The following PLCL1 variants were observed in gnomAD, a reference collection of about 807,000 sequenced individuals.
PLCL1 encodes the protein phospholipase C like 1 (inactive), also known as inactive phospholipase C-like protein 1.
Under a neutral mutation model 84.4 loss-of-function variants are expected in PLCL1, and 41 were observed. That is an observed-to-expected ratio of 0.49 (90% confidence interval 0.38 to 0.63). The LOEUF (loss-of-function observed/expected upper bound fraction) is 0.63. Ranked by LOEUF, PLCL1 falls within the 30% of genes least tolerant of loss-of-function variation. The pLI, the probability that PLCL1 is intolerant of heterozygous loss-of-function variation, is 0.00. For missense variants in PLCL1, 1,206 were observed against 1,367.8 expected (o/e 0.88, Z 1.87); for synonymous variants, 490 against 488.3 (o/e 1.00, Z -0.05).
chr2:197,878,142 C>A (rs570387437), intron 1 of PLCL1, among the ~76,000 whole-genome samples: 1 of 152,172 alleles, frequency 6.6e-6, no homozygotes, highest in African/African-American at 2.4e-5. Context: ...GAACTTTATT[C>A]TTTTGTTGAG....
intron 1 of PLCL1, among the ~76,000 whole-genome samples, chr2:197,937,813 C>T (rs1212888934): frequency 6.6e-6 from 1 of 152,108 alleles, no homozygotes; most frequent in Non-Finnish European, 1.5e-5. Context: ...TCCATTAGTG[C>T]CAAAGAGAAG....
intron 1 of PLCL1, among the ~76,000 whole-genome samples, chr2:198,081,808 A>G (rs903138484): frequency 6.6e-6 from 1 of 152,168 alleles, no homozygotes; most frequent in African/African-American, 2.4e-5. Flanking sequence ...TTTCTGAATC[A>G]TAGGATAGGC....
intron 1 of PLCL1, among the ~76,000 whole-genome samples, chr2:198,024,287 A>G (rs542505392): frequency 4.9e-4 from 74 of 152,226 alleles, no homozygotes; most frequent in African/African-American, 1.7e-3. Flanking sequence ...TAGGAGAAAT[A>G]CCTAATGTGG....
chr2:198,103,778 A>G (rs771305435), intron 4 of PLCL1, 49 bp from the exon 5 acceptor site: 1 of 896,544 alleles, frequency 1.1e-6, no homozygotes, highest in Admixed American at 2.5e-5. Context: ...TAAGATGCCC[A>G]TTTTTCTGAG....
intron 1 of PLCL1, among the ~76,000 whole-genome samples, chr2:197,959,845 G>T (rs1303143535): frequency 1.3e-5 from 2 of 152,032 alleles, no homozygotes; most frequent in Non-Finnish European, 2.9e-5. Context: ...CCTCCCAAAT[G>T]CCTACCACTC....
At position 197,933,547 on chromosome 2, in the gene PLCL1, G is replaced by A. The variant is rs116308861; in HGVS notation, c.240+128208G>A. Among the ~76,000 whole-genome samples, 660 of 152,220 alleles carry A rather than the reference G, an allele frequency of 4.3e-3. 5 individuals carry two copies. The highest frequency in any genetic ancestry group is 0.015 in the African/African-American group (615 of 41,518). ...AAATAACAAGATTAATAGATTAATT[G>A]CAAATCTTTAGCTATATTAGTTAAG... On this transcript the variant is annotated intron_variant, in intron 1 of 5. Coordinates refer to ENST00000428675, the MANE Select transcript of PLCL1 (RefSeq NM_006226.4).
At chr2:197,987,601 A>G (rs1025918612) in intron 1 of PLCL1, among the ~76,000 whole-genome samples, 1 of 152,228 alleles carries the variant, frequency 6.6e-6, no homozygotes, top group Non-Finnish European at 1.5e-5. Context: ...TAGTAAGTCA[A>G]TTAGGCAGCA....
At chr2:197,819,021 C>T (rs1032331433) in intron 1 of PLCL1, among the ~76,000 whole-genome samples, 12 of 152,106 alleles carry the variant, frequency 7.9e-5, no homozygotes, top group Non-Finnish European at 1.8e-4. Flanking sequence ...AAGAAGGGCA[C>T]TATAGGGAAT....
intron 5 of PLCL1, among the ~76,000 whole-genome samples, chr2:198,104,619 T>C (rs769705290): frequency 2.0e-5 from 3 of 152,102 alleles, no homozygotes; most frequent in Non-Finnish European, 4.4e-5. Context: ...ATTGTCACAC[T>C]GCTTTCCACA....
At chr2:198,131,556 G>A (rs1193918135) in intron 5 of PLCL1, among the ~76,000 whole-genome samples, 3 of 152,128 alleles carry the variant, frequency 2.0e-5, no homozygotes, top group Non-Finnish European at 4.4e-5. Flanking sequence ...TGGAGAAAAG[G>A]AAACTGCTGC....
chr2:197,890,236 C>A (rs1166624298), intron 1 of PLCL1, among the ~76,000 whole-genome samples: 2 of 152,118 alleles, frequency 1.3e-5, no homozygotes, highest in African/African-American at 4.8e-5. Flanking sequence ...CCACTGGAAG[C>A]CACAGTTCTT....
intron 1 of PLCL1, among the ~76,000 whole-genome samples, chr2:198,053,850 G>T (rs1692000660): frequency 6.6e-6 from 1 of 152,212 alleles, no homozygotes; most frequent in African/African-American, 2.4e-5. Context: ...AAGGGGAACT[G>T]GTTTGGGTGT....
At chr2:197,947,584 G>GA in intron 1 of PLCL1, among the ~76,000 whole-genome samples, 1 of 152,290 alleles carries the variant, frequency 6.6e-6, no homozygotes, top group South Asian at 2.1e-4. Context: ...GGCTGGGAAT[G>GA]TGCAAAGTAG....
chr2:198,005,395 G>A (rs1388907759), intron 1 of PLCL1, among the ~76,000 whole-genome samples: 1 of 152,210 alleles, frequency 6.6e-6, no homozygotes, highest in Non-Finnish European at 1.5e-5. Context: ...TGATGGCAAA[G>A]GAAAGTTCTC....
chr2:197,888,590 T>C (rs1305467707), intron 1 of PLCL1, among the ~76,000 whole-genome samples: 1 of 152,212 alleles, frequency 6.6e-6, no homozygotes, highest in Non-Finnish European at 1.5e-5. Context: ...TACTTCCTCA[T>C]AGAGTCATAA....
chr2:198,133,063 C>T (rs889906298), intron 5 of PLCL1, among the ~76,000 whole-genome samples: 3 of 151,822 alleles, frequency 2.0e-5, no homozygotes, highest in African/African-American at 4.8e-5. Context: ...CCAGTTTTCC[C>T]AGCACCATTT....
At chr2:197,816,670 C>CAATA (rs766353945) in intron 1 of PLCL1, among the ~76,000 whole-genome samples, 10 of 151,842 alleles carry the variant, frequency 6.6e-5, no homozygotes, top group East Asian at 1.9e-4. Flanking sequence ...CTCCCAGTGT[C>CAATA]AATAAATAAA....
In PLCL1 at chr2:198,088,372, G is replaced by C. The variant is rs979808883; in HGVS notation, c.2716-486G>C. On this transcript the variant is annotated intron_variant, in intron 2 of 5. Transcript: ENST00000428675. Reference sequence around the variant, plus strand: ...TTCAAATGAATTTTTTGAAAAGACTGTAACATGGACAAATGTAGCTCTACA... The same window carrying C: ...TTCAAATGAATTTTTTGAAAAGACTCTAACATGGACAAATGTAGCTCTACA... Among the ~76,000 whole-genome samples the C allele has an allele frequency of 3.9e-5, 6 of 152,192 alleles. 2 individuals carry two copies. The South Asian group carries it at 1.2e-3, about 32-fold the overall frequency.
At chr2:197,962,334 G>C (rs1689639161) in intron 1 of PLCL1, among the ~76,000 whole-genome samples, 1 of 152,058 alleles carries the variant, frequency 6.6e-6, no homozygotes, top group African/African-American at 2.4e-5. Context: ...TTAACCACAG[G>C]TGGATTATCC....
Sources: allele counts gnomAD v4.1 joint callset (sites outside exome capture counted in the v4.1 genomes callset), GRCh38; gene constraint gnomAD v4.1.1; transcripts MANE v1.5; gene names NCBI Gene and HGNC (gene_info 2026-07-23, HGNC 2026-07-21).